Variants in RNF150 observed in about 807,000 individuals in gnomAD.
RNF150 encodes ring finger protein 150.
A neutral mutation model predicts 39.3 loss-of-function variants in RNF150; 24 were observed. That is an observed-to-expected ratio of 0.61 (90% CI 0.44 to 0.86). The LOEUF (loss-of-function observed/expected upper bound fraction) is 0.86, where lower values mean the gene tolerates loss of function less well. RNF150 is among the 40% of genes least tolerant of loss of function. The probability of loss-of-function intolerance (pLI) is 0.00; values close to 1 mark genes in which losing one functional copy is unlikely to be tolerated. For missense variants in RNF150, 502 were observed against 587.8 expected (o/e 0.85, Z 1.51); for synonymous variants, 255 against 227.3 (o/e 1.12, Z -1.10).
At chr4:140,918,335 C>T (rs544321612) in intron 5 of RNF150, among the ~76,000 whole-genome samples, 102 of 151,208 alleles carry the variant, frequency 6.7e-4, no homozygotes, top group South Asian at 2.1e-3. Flanking sequence ...ATCAAATAGA[C>T]GCAATAAAAA....
At chr4:141,201,518 A>T (rs1267781791) in intron 1 of RNF150, among the ~76,000 whole-genome samples, 2 of 145,982 alleles carry the variant, frequency 1.4e-5, no homozygotes, top group African/African-American at 5.3e-5. Flanking sequence ...AAGGTCAGCC[A>T]TTCAAGGGTT....
intron 6 of RNF150, among the ~76,000 whole-genome samples, chr4:140,896,036 A>G (rs1729929712): frequency 7.8e-6 from 1 of 128,246 alleles, no homozygotes; most frequent in African/African-American, 3.1e-5. Context: ...GTCAGGAAAC[A>G]ACAGGTGCTG....
intron 6 of RNF150, among the ~76,000 whole-genome samples, chr4:140,868,630 C>T (rs1469358308): frequency 6.6e-6 from 1 of 151,998 alleles, no homozygotes; most frequent in Admixed American, 6.6e-5. Flanking sequence ...TATATATCTA[C>T]CGTAAGTTGG....
chr4:140,902,778 AAGG>A (rs1405467230), intron 6 of RNF150, among the ~76,000 whole-genome samples: 2 of 152,210 alleles, frequency 1.3e-5, no homozygotes, highest in African/African-American at 4.8e-5. Context: ...GGAATCCCAG[AAGG>A]AGATCAGGCT....
In RNF150 at chr4:141,159,189, A is replaced by G. The variant is rs1317759143; in HGVS notation, c.-6+53605T>C. Among the ~76,000 whole-genome samples, 3 of 152,302 alleles carry G rather than the reference A, an allele frequency of 2.0e-5. No individual in the cohort carries two copies. In the South Asian group the frequency reaches 6.2e-4, roughly 32 times the overall value. The stretch of plus-strand genomic sequence containing the variant: ...AAACTTTCTCTGTAAAGAACTGGGT[A>G]AGAAAATGTTTTAGGCTCTGTGGGT... On this transcript the variant is annotated intron_variant, in intron 1 of 7. Transcript: ENST00000420921.
intron 6 of RNF150, among the ~76,000 whole-genome samples, chr4:140,910,304 A>C (rs1220296258): frequency 6.6e-6 from 1 of 152,198 alleles, no homozygotes; most frequent in African/African-American, 2.4e-5. Flanking sequence ...ACTTCGTATA[A>C]AAGTTGCAAT....
intron 1 of RNF150, among the ~76,000 whole-genome samples, chr4:141,103,230 C>T (rs1183571258): frequency 6.6e-6 from 1 of 152,192 alleles, no homozygotes; most frequent in Non-Finnish European, 1.5e-5. Flanking sequence ...ACTATCAAAG[C>T]CTTCATCTGC....
At chr4:140,999,943 AAGAAGAAGAAGAAGAAGAAGAAG>A (rs1257824389) in intron 1 of RNF150, among the ~76,000 whole-genome samples, 1 of 24,800 alleles carries the variant, frequency 4.0e-5, no homozygotes, top group Non-Finnish European at 1.1e-4. Flanking sequence ...GTCTCAAAAA[AAGAAGAAGAAGAAGAAGAAGAAG>A]AAGAAGAAGA....
chr4:140,996,348 G>C (rs1165476415), intron 1 of RNF150, among the ~76,000 whole-genome samples: 2 of 152,028 alleles, frequency 1.3e-5, no homozygotes, highest in Non-Finnish European at 2.9e-5. Context: ...CTATTTAGTT[G>C]TTTGAGCTCC....
intron 1 of RNF150, among the ~76,000 whole-genome samples, chr4:141,046,181 A>G (rs547448362): frequency 6.6e-6 from 1 of 152,196 alleles, no homozygotes; most frequent in African/African-American, 2.4e-5. Flanking sequence ...AACAAAAGGT[A>G]GTCAAATACA....
chr4:141,181,005 G>A (rs544726003), intron 1 of RNF150, among the ~76,000 whole-genome samples: 98 of 152,294 alleles, frequency 6.4e-4, no homozygotes, highest in African/African-American at 2.3e-3. Flanking sequence ...TTGAAAAGGT[G>A]ATATAGATAG....
intron 1 of RNF150, among the ~76,000 whole-genome samples, chr4:140,997,726 A>ATATACACACAC (rs1361568714): frequency 6.6e-6 from 1 of 151,940 alleles, no homozygotes; most frequent in African/African-American, 2.4e-5. Flanking sequence ...ATGTGTGTAT[A>ATATACACACAC]AAAAGATACT....
chr4:141,203,057 T>TTATATATA (rs746890764), intron 1 of RNF150, among the ~76,000 whole-genome samples: 7,806 of 120,130 alleles, frequency 0.065, 436 homozygotes, highest in Middle Eastern at 0.078. Context: ...CTTGGAGATT[T>TTATATATA]TATATATATA....
rs577206340 is a variant in RNF150, at chr4:141,067,425, T to C, written c.484+64900A>G. On this transcript the variant is annotated intron_variant, in intron 1 of 6. Transcript: ENST00000515673. ...CTTAATTGTAGCTCCTGCAATGAGT[T>C]GCCAGGGTATTCCTTGGACTCATCA... Among the ~76,000 whole-genome samples, 3 of 152,316 alleles carry C rather than the reference T, an allele frequency of 2.0e-5. No individual in the cohort carries two copies. In the South Asian group the frequency reaches 6.2e-4, roughly 32 times the overall value.
At chr4:140,967,968 A>G (rs1733316908) in intron 1 of RNF150, 95 bp from the exon 2 acceptor site, 4 of 1,083,558 alleles carry the variant, frequency 3.7e-6, no homozygotes, top group Non-Finnish European at 5.4e-6. Flanking sequence ...ACGAAACCAA[A>G]TAAGGACAGT....
chr4:141,053,636 G>A, intron 1 of RNF150: 5 of 1,152,122 alleles, frequency 4.3e-6, no homozygotes, highest in Non-Finnish European at 5.6e-6. Context: ...TAAACTGAGT[G>A]AAGCGTGCAT....
At chr4:140,969,222 C>G (rs1208694465) in intron 1 of RNF150, among the ~76,000 whole-genome samples, 1 of 152,114 alleles carries the variant, frequency 6.6e-6, no homozygotes, top group African/African-American at 2.4e-5. Context: ...TGGTGTTTCA[C>G]TTAGGCTGAA....
chr4:141,144,131 C>T (rs185109636), intron 1 of RNF150, among the ~76,000 whole-genome samples: 135 of 73,216 alleles, frequency 1.8e-3, no homozygotes, highest in African/African-American at 7.3e-3. Context: ...GAAAAAAAAC[C>T]CACAAAACTT....
intron 1 of RNF150, among the ~76,000 whole-genome samples, chr4:141,201,826 T>C (rs1366919970): frequency 6.6e-6 from 1 of 152,170 alleles, no homozygotes; most frequent in Non-Finnish European, 1.5e-5. Context: ...CCTTGTGCTA[T>C]GGTCTGAATG....
Sources: gnomAD v4.1 joint callset for allele counts (sites outside exome capture counted in the v4.1 genomes callset) on GRCh38, gnomAD v4.1.1 for gene constraint, MANE v1.5 for transcripts, NCBI Gene and HGNC (gene_info 2026-07-23, HGNC 2026-07-21) for gene names.